Variants in EPB41 observed in about 807,000 individuals in gnomAD.
The protein encoded by EPB41 is protein 4.1.
Under a neutral mutation model 108.0 loss-of-function variants are expected in EPB41, and 65 were observed. The ratio of observed to expected loss-of-function variants is 0.60; its 90% CI spans 0.49 to 0.74. The LOEUF (loss-of-function observed/expected upper bound fraction) is 0.74, where lower values mean the gene tolerates loss of function less well. Among genes scored for constraint, EPB41 ranks in the 30% least tolerant of loss-of-function variants. The pLI is 0.00. For missense variants in EPB41, 875 were observed against 1,037.0 expected (o/e 0.84, Z 2.15); for synonymous variants, 336 against 358.9 (o/e 0.94, Z 0.72).
At chr1:28,968,580 C>A (rs1178294879) in intron 1 of EPB41, among the ~76,000 whole-genome samples, 2 of 151,996 alleles carry the variant, frequency 1.3e-5, no homozygotes, top group East Asian at 3.9e-4. Context: ...AAGAACCTGA[C>A]ACTTAATATA....
At chr1:28,890,670 C>G (rs2090019764) in intron 1 of EPB41, among the ~76,000 whole-genome samples, 1 of 152,210 alleles carries the variant, frequency 6.6e-6, no homozygotes, top group Non-Finnish European at 1.5e-5. Context: ...GCATTCTGTT[C>G]TAAGCCTTTA....
intron 1 of EPB41, among the ~76,000 whole-genome samples, chr1:28,916,120 G>T (rs1003192555): frequency 2.0e-5 from 3 of 151,926 alleles, no homozygotes. Flanking sequence ...TTTGGTTTGG[G>T]GTGTTATTAA....
At chr1:29,097,966 A>G in intron 17 of EPB41, 31 bp downstream of exon 17, 2 of 1,613,878 alleles carry the variant, frequency 1.2e-6, no homozygotes, top group Non-Finnish European at 1.7e-6. Flanking sequence ...TCAGAACCAA[A>G]GGCTGCAAAC....
chr1:28,945,867 A>G (rs1372342416), intron 1 of EPB41, among the ~76,000 whole-genome samples: 1 of 152,250 alleles, frequency 6.6e-6, no homozygotes, highest in Non-Finnish European at 1.5e-5. Flanking sequence ...AAGATTTGCC[A>G]GAAACATTGT....
intron 16 of EPB41, among the ~76,000 whole-genome samples, chr1:29,078,845 G>A (rs1254287498): frequency 6.6e-6 from 1 of 152,098 alleles, no homozygotes; most frequent in Non-Finnish European, 1.5e-5. Context: ...CTTATATTCA[G>A]TGATGATCCT....
At chr1:29,114,102 G>A (rs1223912767) in intron 19 of EPB41, among the ~76,000 whole-genome samples, 2 of 152,180 alleles carry the variant, frequency 1.3e-5, no homozygotes, top group African/African-American at 4.8e-5. Flanking sequence ...CCCTTCTAGA[G>A]ATGGTTCTTA....
At chr1:28,978,819 G>A (rs977105196) in intron 1 of EPB41, among the ~76,000 whole-genome samples, 1 of 151,420 alleles carries the variant, frequency 6.6e-6, no homozygotes, top group South Asian at 2.1e-4. Context: ...TGGACTCAAG[G>A]ACTTATACCA....
chr1:29,111,451 T>C (rs891425179), intron 18 of EPB41, among the ~76,000 whole-genome samples: 2 of 151,100 alleles, frequency 1.3e-5, no homozygotes, highest in Non-Finnish European at 2.9e-5. Context: ...GGTCAAGAGG[T>C]CGAGACCATC....
intron 1 of EPB41, among the ~76,000 whole-genome samples, chr1:28,923,848 T>C (rs1323549813): frequency 6.6e-6 from 1 of 152,222 alleles, no homozygotes; most frequent in Non-Finnish European, 1.5e-5. Flanking sequence ...ATTTTTATCA[T>C]GCGTACTGTG....
intron 16 of EPB41, among the ~76,000 whole-genome samples, chr1:29,066,295 T>C (rs1438779121): frequency 2.0e-5 from 3 of 152,016 alleles, no homozygotes; most frequent in Non-Finnish European, 4.4e-5. Flanking sequence ...GGCACATGCC[T>C]GTAATCCCAG....
chr1:29,017,913 C>T (rs551576762), intron 6 of EPB41, among the ~76,000 whole-genome samples: 1 of 152,170 alleles, frequency 6.6e-6, no homozygotes, highest in Admixed American at 6.6e-5. Flanking sequence ...ATAGTAGTTT[C>T]ATTACTTCCT....
intron 1 of EPB41, among the ~76,000 whole-genome samples, chr1:28,945,872 C>T (rs979179429): frequency 6.6e-6 from 1 of 152,182 alleles, no homozygotes; most frequent in African/African-American, 2.4e-5. Context: ...TTGCCAGAAA[C>T]ATTGTAGTAG....
At chr1:29,039,536 G>A (rs1285455274) in intron 11 of EPB41, 110 bp downstream of exon 11, 1 of 1,396,984 alleles carries the variant, frequency 7.2e-7, no homozygotes, top group East Asian at 2.5e-5. Flanking sequence ...GGTTGGGCCT[G>A]GTGCAGTGGC....
chr1:28,947,388 C>T (rs560597765), intron 1 of EPB41, among the ~76,000 whole-genome samples: 2 of 150,450 alleles, frequency 1.3e-5, no homozygotes, highest in African/African-American at 2.4e-5. Context: ...CGTCTGGCGA[C>T]GGAGCGAGAC....
chr1:29,085,319 A>G (rs1419445161), intron 16 of EPB41, among the ~76,000 whole-genome samples: 2 of 151,204 alleles, frequency 1.3e-5, no homozygotes, highest in Non-Finnish European at 2.9e-5. Context: ...ATTTTTTTGT[A>G]TTTTTAGTGG....
intron 4 of EPB41, among the ~76,000 whole-genome samples, chr1:29,009,539 A>G (rs1354931884): frequency 1.3e-5 from 2 of 152,182 alleles, no homozygotes; most frequent in Admixed American, 1.3e-4. Context: ...TGAGTCTTCT[A>G]TGGTAAGAAA....
At position 29,097,930 on chromosome 1, in the gene EPB41, G is replaced by C. The variant is rs756938979; in HGVS notation, c.2308G>C (p.Ala770Pro). 6.2e-7 allele frequency: 1 copy of C among 1,613,990 alleles called. No homozygotes were observed. The highest frequency in any genetic ancestry group is 1.7e-5 in the Admixed American group (1 of 60,014). The change falls in exon 17 of 21, where the codon GCC (alanine) becomes CCC (proline). Residue 770 changes from alanine (A) to proline (P), a missense_variant. Transcript: ENST00000343067. The stretch of plus-strand genomic sequence containing the variant: ...GACCAAGACCATCACTTATGAGGCT[G>C]CCCAGGTAGGACATGTTTTGATGCT... Reference protein sequence around the residue: ...TETKTITYEAAQTDDNSGDLD... With the variant: ...TETKTITYEAPQTDDNSGDLD...
At chr1:28,938,530 T>G (rs957923466) in intron 1 of EPB41, among the ~76,000 whole-genome samples, 2 of 135,560 alleles carry the variant, frequency 1.5e-5, no homozygotes, top group Non-Finnish European at 3.0e-5. Flanking sequence ...ACAGTTGATT[T>G]TTGAATTTTT....
intron 16 of EPB41, among the ~76,000 whole-genome samples, chr1:29,081,172 T>C (rs533927347): frequency 6.6e-6 from 1 of 152,354 alleles, no homozygotes; most frequent in East Asian, 1.9e-4. Context: ...TTATTTTAAA[T>C]CAGCTTTGAA....
Sources: gnomAD v4.1 joint callset for allele counts (sites outside exome capture counted in the v4.1 genomes callset) on GRCh38, gnomAD v4.1.1 for gene constraint, MANE v1.5 for transcripts, NCBI Gene and HGNC (gene_info 2026-07-23, HGNC 2026-07-21) for gene names.